The following CPNE5 variants were observed in gnomAD, a reference collection of about 807,000 sequenced individuals.
CPNE5 encodes copine-5.
A neutral mutation model predicts 81.1 loss-of-function variants in CPNE5; 42 were observed. The observed-to-expected ratio is 0.52, with a 90% CI of 0.40 to 0.67. The LOEUF (loss-of-function observed/expected upper bound fraction) is 0.67. CPNE5 is among the 30% of genes least tolerant of loss of function. The pLI is 0.00. For missense variants in CPNE5, 612 were observed against 815.5 expected (o/e 0.75, Z 3.04); for synonymous variants, 313 against 321.5 (o/e 0.97, Z 0.28).
intron 1 of CPNE5, among the ~76,000 whole-genome samples, chr6:36,823,536 C>T (rs1164350473): frequency 6.6e-6 from 1 of 152,228 alleles, no homozygotes; most frequent in African/African-American, 2.4e-5. Flanking sequence ...CTACTTACAG[C>T]CAGTTTATTC....
intron 8 of CPNE5, among the ~76,000 whole-genome samples, chr6:36,782,416 G>A (rs1307832732): frequency 6.6e-6 from 1 of 152,064 alleles, no homozygotes; most frequent in Non-Finnish European, 1.5e-5. Context: ...AGAAATATTA[G>A]AAAAAATGAA....
At chr6:36,751,389 C>T (rs1164263138) in intron 14 of CPNE5, among the ~76,000 whole-genome samples, 1 of 152,246 alleles carries the variant, frequency 6.6e-6, no homozygotes, top group Admixed American at 6.5e-5. Context: ...AGGAACCCTG[C>T]CACCATCTAG....
At chr6:36,824,103 G>A (rs920269978) in intron 1 of CPNE5, among the ~76,000 whole-genome samples, 2 of 152,162 alleles carry the variant, frequency 1.3e-5, no homozygotes, top group Non-Finnish European at 2.9e-5. Context: ...GCCCTGCATG[G>A]ATCCCCTCAG....
Position 36,774,881 on chromosome 6 carries a change from A to G in CPNE5, c.737+80T>C, listed in dbSNP as rs1259366731. ...TACTGATGGGACTGACCACGTCAAT[A>G]TGAATGGGGCCACCCTCACTTGTGC... On this transcript the variant is annotated intron_variant, in intron 10 of 20. Coordinates refer to ENST00000244751, the MANE Select transcript of CPNE5 (RefSeq NM_020939.2). The G allele has an allele frequency of 3.7e-6, 4 of 1,088,710 alleles. No homozygotes were observed. The East Asian group carries it at 7.3e-5, about 20-fold the overall frequency. The allele number at this position is 1,088,710 out of a possible 1,614,324, so 67.4% of individuals were successfully genotyped here. A position where few individuals can be genotyped will look rare whatever the true frequency, so the allele number is the denominator to read the frequency against.
At chr6:36,820,381 G>A (rs1163902937) in intron 3 of CPNE5, among the ~76,000 whole-genome samples, 1 of 123,068 alleles carries the variant, frequency 8.1e-6, no homozygotes, top group Non-Finnish European at 1.6e-5. Context: ...TCGCTCTGTC[G>A]CCCAGGCTGG....
chr6:36,763,602 CAAAAAA>C (rs55880019), intron 11 of CPNE5, among the ~76,000 whole-genome samples: 4 of 123,142 alleles, frequency 3.2e-5, no homozygotes, highest in Admixed American at 1.7e-4. Flanking sequence ...GACTCTATCT[CAAAAAA>C]AAAAAAAAAA....
rs190441026 is a variant in CPNE5, at chr6:36,807,990, A to G, written c.184-7920T>C. 4.3e-3 allele frequency among the ~76,000 whole-genome samples: 653 copies of G among 152,352 alleles called. 8 individuals carry two copies. Among genetic ancestry groups the G allele is most frequent in the African/African-American group, 0.015 (623 of 41,596 alleles). On this transcript the variant is annotated intron_variant, in intron 3 of 20. Transcript: ENST00000244751. Reference sequence around the variant, plus strand: ...CATGGAAGCCACGTAGTGAAAGTAAAGGAGAGAGGTCGCCCGCTCAGCCTC... The same window carrying G: ...CATGGAAGCCACGTAGTGAAAGTAAGGGAGAGAGGTCGCCCGCTCAGCCTC...
chr6:36,751,654 G>A (rs1764838593), intron 14 of CPNE5, among the ~76,000 whole-genome samples: 1 of 152,166 alleles, frequency 6.6e-6, no homozygotes, highest in African/African-American at 2.4e-5. Context: ...GCTGGGGGTG[G>A]TGGCGCATGC....
In CPNE5 at chr6:36,765,658, C is replaced by T. The variant is rs551519583; in HGVS notation, c.738-282G>A. 2.0e-5 allele frequency among the ~76,000 whole-genome samples: 3 copies of T among 152,368 alleles called. No homozygotes were observed. The South Asian group carries it at 6.2e-4, about 32-fold the overall frequency. ...AGACTTCAGTTCACCCCACCTTCTT[C>T]TTGGCCACTGCAGAAGGGGCATAAG... On this transcript the variant is annotated intron_variant, in intron 10 of 20. Transcript: ENST00000244751.
At chr6:36,802,369 A>G (rs2150535020) in intron 3 of CPNE5, among the ~76,000 whole-genome samples, 1 of 151,336 alleles carries the variant, frequency 6.6e-6, no homozygotes, top group South Asian at 2.1e-4. Context: ...AGGTTGGGGG[A>G]TGGTTGAGCC....
At chr6:36,765,417 C>T in intron 10 of CPNE5, 41 bp from the exon 11 acceptor site, 2 of 1,612,594 alleles carry the variant, frequency 1.2e-6, no homozygotes, top group Non-Finnish European at 1.7e-6. Flanking sequence ...CCCAACCCCA[C>T]ACCCACGTGG....
intron 3 of CPNE5, among the ~76,000 whole-genome samples, chr6:36,809,164 C>A (rs1362038596): frequency 6.6e-6 from 1 of 151,992 alleles, no homozygotes. Context: ...AACACCCTGC[C>A]CAACCTCTAT....
At chr6:36,830,123 T>C (rs1385966984) in intron 1 of CPNE5, among the ~76,000 whole-genome samples, 1 of 152,226 alleles carries the variant, frequency 6.6e-6, no homozygotes, top group Non-Finnish European at 1.5e-5. Flanking sequence ...GGCTGAGCGA[T>C]GTGCCTGATG....
chr6:36,759,157 C>T (rs896744737), intron 12 of CPNE5, among the ~76,000 whole-genome samples: 3 of 152,224 alleles, frequency 2.0e-5, no homozygotes, highest in African/African-American at 7.2e-5. Flanking sequence ...TGGCCACAAG[C>T]ATGTTTCTTC....
At chr6:36,773,630 C>T (rs951955161) in intron 10 of CPNE5, among the ~76,000 whole-genome samples, 2 of 152,062 alleles carry the variant, frequency 1.3e-5, no homozygotes, top group Non-Finnish European at 1.5e-5. Flanking sequence ...TAGGTTGTGT[C>T]GTGTGAGCGT....
chr6:36,806,582 T>G (rs1006264194), intron 3 of CPNE5, among the ~76,000 whole-genome samples: 2 of 152,196 alleles, frequency 1.3e-5, no homozygotes, highest in African/African-American at 4.8e-5. Context: ...ATCCATACCT[T>G]TGAGAGAAAT....
chr6:36,762,053 A>T (rs1274653368), intron 12 of CPNE5, among the ~76,000 whole-genome samples: 1 of 151,982 alleles, frequency 6.6e-6, no homozygotes, highest in Non-Finnish European at 1.5e-5. Context: ...GGAGCTCAAG[A>T]CCAGCCTGGG....
chr6:36,819,619 T>C (rs2150580958), intron 3 of CPNE5, among the ~76,000 whole-genome samples: 1 of 152,326 alleles, frequency 6.6e-6, no homozygotes, highest in African/African-American at 2.4e-5. Context: ...TCAGACTTTA[T>C]TAAGTCTTTA....
At chr6:36,785,850 CA>C (rs1427961335) in intron 8 of CPNE5, among the ~76,000 whole-genome samples, 2 of 151,658 alleles carry the variant, frequency 1.3e-5, no homozygotes, top group African/African-American at 4.8e-5. Flanking sequence ...CCGTCTCTAC[CA>C]AAAACACAAA....
Sources: allele counts gnomAD v4.1 joint callset (sites outside exome capture counted in the v4.1 genomes callset), GRCh38; gene constraint gnomAD v4.1.1; transcripts MANE v1.5; gene names NCBI Gene and HGNC (gene_info 2026-07-23, HGNC 2026-07-21).